The following FBXO38 variants were observed in gnomAD, a reference collection of about 807,000 sequenced individuals.
FBXO38 encodes the protein F-box only protein 38.
Under a neutral mutation model 131.9 loss-of-function variants are expected in FBXO38, and 53 were observed. That is an observed-to-expected ratio of 0.40 (90% confidence interval 0.32 to 0.51). FBXO38 has a LOEUF of 0.51. Among genes scored for constraint, FBXO38 ranks in the 20% least tolerant of loss-of-function variants. FBXO38 has a pLI of 0.53. For synonymous variants in FBXO38, 452 were observed against 505.6 expected, an observed-to-expected ratio of 0.89 and a Z score of 1.42; for missense variants, 1,076 against 1,475.6, an observed-to-expected ratio of 0.73 and a Z score of 4.44.
chr5:148,407,924 CA>C (rs556460198), intron 7 of FBXO38, among the ~76,000 whole-genome samples: 5 of 138,504 alleles, frequency 3.6e-5, no homozygotes, highest in Non-Finnish European at 1.6e-5. Context: ...GACTCTGTCT[CA>C]AAAAAAAAAG....
At chr5:148,433,553 T>A in intron 16 of FBXO38, 29 bp downstream of exon 16, 1 of 1,578,378 alleles carries the variant, frequency 6.3e-7, no homozygotes, top group Non-Finnish European at 8.7e-7. Flanking sequence ...CTTACCTTTA[T>A]CACAGTCTAG....
intron 1 of FBXO38, among the ~76,000 whole-genome samples, chr5:148,387,941 C>T (rs1238158051): frequency 3.3e-5 from 5 of 152,176 alleles, no homozygotes; most frequent in South Asian, 2.1e-4. Context: ...CTGCCTGCCT[C>T]GGCCTCCCAA....
Position 148,406,031 on chromosome 5 carries a change from C to T in FBXO38, c.731-226C>T, listed in dbSNP as rs74941890. ...AACTATTGAGCCTTTAGAGAATTTA[C>T]GGAATACTACATATCTCTACAGTGT... On this transcript the variant is annotated intron_variant, in intron 6 of 21. Transcript: ENST00000340253. 0.029 allele frequency among the ~76,000 whole-genome samples: 4,461 copies of T among 152,250 alleles called. 104 individuals carry two copies. Among genetic ancestry groups the T allele is most frequent in the Middle Eastern group, 0.054 (16 of 294 alleles).
chr5:148,416,218 AG>A (rs1753045482), intron 11 of FBXO38, 148 bp downstream of exon 11: 1 of 671,282 alleles, frequency 1.5e-6, no homozygotes, highest in African/African-American at 1.9e-5. Context: ...GAAGGCATAA[AG>A]GTTGTAATAA....
At chr5:148,389,678 T>A (rs763662198) in intron 1 of FBXO38, 1 of 152,252 alleles carries the variant, frequency 6.6e-6, no homozygotes, top group Non-Finnish European at 1.5e-5. Flanking sequence ...CTCCTCACTT[T>A]CTTTGGTTCC....
intron 9 of FBXO38, chr5:148,413,682 A>G (rs17108248): frequency 0.029 from 4,498 of 152,956 alleles, 212 homozygotes; most frequent in African/African-American, 0.1. Context: ...CATGGGTTCT[A>G]ACAATGAATC....
chr5:148,389,511 T>C (rs923438299), intron 1 of FBXO38, among the ~76,000 whole-genome samples: 7 of 152,232 alleles, frequency 4.6e-5, no homozygotes, highest in Non-Finnish European at 1.0e-4. Flanking sequence ...AACTGGACTT[T>C]CCCCTCCTTT....
intron 18 of FBXO38, 94 bp downstream of exon 18, chr5:148,438,592 C>A: frequency 7.5e-7 from 1 of 1,329,352 alleles, no homozygotes; most frequent in Non-Finnish European, 1.0e-6. Flanking sequence ...ATTTGGCATT[C>A]ATTCACTTGC....
chr5:148,432,304 TTTAAA>T (rs1754080620), intron 15 of FBXO38, among the ~76,000 whole-genome samples: 1 of 152,222 alleles, frequency 6.6e-6, no homozygotes, highest in South Asian at 2.1e-4. Flanking sequence ...AGCACTTGTT[TTTAAA>T]TTAAATAAGG....
In FBXO38 at chr5:148,425,635, G is replaced by A. The variant is rs750086990; in HGVS notation, c.1852G>A (p.Gly618Ser). The A allele has an allele frequency of 1.4e-5, 23 of 1,613,864 alleles. No individual in the cohort carries two copies. The highest frequency in any genetic ancestry group is 1.9e-5 in the Non-Finnish European group (22 of 1,179,922). The change falls in exon 14 of 22, where the codon GGT (glycine) becomes AGT (serine). Residue 618 changes from glycine to serine, a missense_variant. Gly to Ser is a moderately conservative substitution (Grantham distance 56). This residue lies in a region of FBXO38 where 212 missense variants were observed against 221.2 expected (regional missense o/e 0.96). Transcript: ENST00000340253. ...CCAAGAAGTCTGGATTCCTAAGAACGGTACTCGGCGTTACTCTGAACGTGA... is the reference window on the plus strand; with the variant it reads ...CCAAGAAGTCTGGATTCCTAAGAACAGTACTCGGCGTTACTCTGAACGTGA... ...ELQEVWIPKN[G>S]TRRYSEREEK... is the part of the protein sequence containing the mutation.
At chr5:148,387,349 G>T (rs557674988) in intron 1 of FBXO38, among the ~76,000 whole-genome samples, 1 of 152,278 alleles carries the variant, frequency 6.6e-6, no homozygotes, top group South Asian at 2.1e-4. Flanking sequence ...TCATGAGATT[G>T]CAGCAATTCA....
At chr5:148,439,880 T>G in intron 19 of FBXO38, 88 bp downstream of exon 19, 1 of 1,324,882 alleles carries the variant, frequency 7.5e-7, no homozygotes, top group Non-Finnish European at 1.1e-6. Context: ...TTCTTTATTT[T>G]AAATGATTCC....
At chr5:148,389,554 A>C (rs1320135495) in intron 1 of FBXO38, among the ~76,000 whole-genome samples, 1 of 152,060 alleles carries the variant, frequency 6.6e-6, no homozygotes, top group African/African-American at 2.4e-5. Flanking sequence ...ACTGCTTTGT[A>C]CGTTCTCTGC....
At position 148,394,385 on chromosome 5, in the gene FBXO38, A is replaced by G. The variant is rs1298793182; in HGVS notation, c.-63-329A>G. ...TCCTCATTTAATGATCACACGTTAC[A>G]TATGAAGAAATTGATACTTGGAGAA... On this transcript the variant is annotated intron_variant, in intron 1 of 21. Coordinates refer to ENST00000340253, the MANE Select transcript of FBXO38 (RefSeq NM_205836.3). Among the ~76,000 whole-genome samples the G allele has an allele frequency of 2.0e-5, 3 of 152,306 alleles. No individual in the cohort carries two copies. The East Asian group carries it at 5.8e-4, about 29-fold the overall frequency.
At chr5:148,386,323 C>A (rs1483150298) in intron 1 of FBXO38, among the ~76,000 whole-genome samples, 1 of 152,110 alleles carries the variant, frequency 6.6e-6, no homozygotes, top group Admixed American at 6.5e-5. Context: ...CCAGCCTGAA[C>A]CTTGACACTA....
intron 1 of FBXO38, chr5:148,389,987 C>A: frequency 6.6e-6 from 1 of 152,310 alleles, no homozygotes; most frequent in Non-Finnish European, 1.5e-5. Flanking sequence ...CAAGATCGCG[C>A]CATTGCACTC....
chr5:148,396,036 GTTATT>G (rs1758460991), intron 2 of FBXO38, among the ~76,000 whole-genome samples: 2 of 152,028 alleles, frequency 1.3e-5, no homozygotes, highest in African/African-American at 4.8e-5. Context: ...AGCAATAACA[GTTATT>G]TTAGGAGATC....
In FBXO38 at chr5:148,425,676, G is replaced by A. The variant is rs1293117799; in HGVS notation, c.1893G>A (p.Glu631=). 1 of 1,613,990 alleles carries A rather than the reference G, an allele frequency of 6.2e-7. No individual in the cohort carries two copies. The highest frequency in any genetic ancestry group is 1.1e-5 in the South Asian group (1 of 91,064). ...RYSEREEKTG[E]SVQSRELSVS... ...CTGAACGTGAAGAAAAAACTGGAGA[G>A]TCAGTGCAGTCCAGAGAATTGTCAG... Residue 631 remains glutamate, a synonymous_variant, in exon 14 of 22, where the codon GAG becomes GAA. Transcript: ENST00000340253.
intron 6 of FBXO38, among the ~76,000 whole-genome samples, chr5:148,405,443 C>T (rs1251191710): frequency 2.0e-5 from 3 of 152,148 alleles, no homozygotes; most frequent in East Asian, 1.9e-4. Flanking sequence ...CAGTGTGGCC[C>T]AGTGATGTCA....
Sources: allele counts gnomAD v4.1 joint callset (sites outside exome capture counted in the v4.1 genomes callset), GRCh38; gene constraint gnomAD v4.1.1; regional missense constraint gnomAD v4.1.1; transcripts MANE v1.5; gene names NCBI Gene and HGNC (gene_info 2026-07-23, HGNC 2026-07-21).